The following CLTCL1 variants were observed in gnomAD, a reference collection of about 807,000 sequenced individuals.
The protein encoded by CLTCL1 is clathrin heavy chain like 1, also known as clathrin heavy chain 2.
Under a neutral mutation model 190.0 loss-of-function variants are expected in CLTCL1, and 159 were observed. The ratio of observed to expected loss-of-function variants is 0.84; its 90% CI spans 0.74 to 0.95. The LOEUF is 0.95. Among genes scored for constraint, CLTCL1 ranks in the 40% least tolerant of loss-of-function variants. The probability of loss-of-function intolerance (pLI) is 0.00; values close to 1 mark genes in which losing one functional copy is unlikely to be tolerated. For synonymous variants in CLTCL1, 752 were observed against 769.6 expected (o/e 0.98, Z 0.38); for missense variants, 1,878 against 2,033.4 (o/e 0.92, Z 1.47).
chr22:19,271,227 T>TA (rs1391544888), intron 2 of CLTCL1, among the ~76,000 whole-genome samples: 23 of 152,314 alleles, frequency 1.5e-4, no homozygotes, highest in Non-Finnish European at 1.2e-4. Context: ...GGTAATGTGA[T>TA]ATGGTTTGGT....
intron 2 of CLTCL1, chr22:19,257,633 A>G (rs2086803390): frequency 4.7e-6 from 2 of 427,962 alleles, no homozygotes; most frequent in South Asian, 3.8e-5. Flanking sequence ...GCATCTATGC[A>G]GATGTAAGGG....
chr22:19,258,718 T>G (rs2086847697), intron 2 of CLTCL1: 10 of 689,630 alleles, frequency 1.5e-5, no homozygotes, highest in Non-Finnish European at 2.4e-5. Flanking sequence ...AGCAACTCCA[T>G]GCAAACCATC....
At chr22:19,249,713 A>AC (rs1364754149) in intron 3 of CLTCL1, among the ~76,000 whole-genome samples, 3 of 152,088 alleles carry the variant, frequency 2.0e-5, no homozygotes, top group African/African-American at 7.2e-5. Context: ...AAGAAAAAAA[A>AC]AGAAATAACC....
In CLTCL1 at chr22:19,229,965, A is replaced by G. The variant is rs200812909; in HGVS notation, c.1655T>C (p.Ile552Thr). The G allele has an allele frequency of 3.0e-5, 49 of 1,607,886 alleles. No homozygotes were observed. The highest frequency in any genetic ancestry group is 1.6e-4 in the Middle Eastern group (1 of 6,068). The change falls in exon 11 of 33, where the codon ATT (isoleucine) becomes ACT (threonine). Residue 552 changes from isoleucine (I) to threonine (T), a missense_variant. Transcript: ENST00000427926. ...CTGAATTAAACTGTTTTCCATGAAA[A>G]TGTCCACAATCTGAAACATATCCAA... is the stretch of plus-strand genomic sequence containing the variant. Reference protein sequence around the residue: ...PLANISQIVDIFMENSLIQQC... With the variant: ...PLANISQIVDTFMENSLIQQC...
intron 19 of CLTCL1, among the ~76,000 whole-genome samples, 185 bp from the exon 20 acceptor site, chr22:19,210,694 T>C (rs1158734970): frequency 2.6e-5 from 4 of 152,156 alleles, no homozygotes; most frequent in African/African-American, 9.7e-5. Context: ...AGAAACAGTA[T>C]AGCAAAGTCT....
chr22:19,223,112 C>A (rs1344711416), intron 14 of CLTCL1, among the ~76,000 whole-genome samples: 1 of 152,150 alleles, frequency 6.6e-6, no homozygotes. Flanking sequence ...AGAAACCAGG[C>A]CATTCTCAAG....
At chr22:19,194,060 T>TCCATTCTACAGAGTGCTGATTGGC (rs2084612027) in intron 26 of CLTCL1, among the ~76,000 whole-genome samples, 1 of 152,136 alleles carries the variant, frequency 6.6e-6, no homozygotes, top group Non-Finnish European at 1.5e-5. Context: ...CGCTAATTGG[T>TCCATTCTACAGAGTGCTGATTGGC]CCATTCTACA....
At position 19,187,977 on chromosome 22, in the gene CLTCL1, C is replaced by A. The variant is rs782574548; in HGVS notation, c.4434+4G>T. The A allele has an allele frequency of 1.9e-6, 3 of 1,613,302 alleles. No individual in the cohort carries two copies. The highest frequency in any genetic ancestry group is 1.7e-5 in the Admixed American group (1 of 60,022). On this transcript the variant is annotated splice_donor_region_variant and intron_variant, in intron 28 of 32. Transcript: ENST00000427926. ...CAGGACAGGGCTCCTTCCTGCACAC[C>A]CACCTGATAGTCCTCCTCCTCTGTC...
At chr22:19,280,590 G>A (rs2087671089) in intron 1 of CLTCL1, among the ~76,000 whole-genome samples, 1 of 151,842 alleles carries the variant, frequency 6.6e-6, no homozygotes, top group African/African-American at 2.4e-5. Flanking sequence ...AGGCTGAGGC[G>A]GGTGGGTCGC....
chr22:19,234,936 G>C (rs1210633243), intron 6 of CLTCL1, among the ~76,000 whole-genome samples: 1 of 152,230 alleles, frequency 6.6e-6, no homozygotes, highest in Admixed American at 6.5e-5. Context: ...ACAGATAAGT[G>C]TGATGCGTTC....
chr22:19,263,684 G>C (rs1301459374), intron 2 of CLTCL1, among the ~76,000 whole-genome samples: 1 of 152,184 alleles, frequency 6.6e-6, no homozygotes, highest in East Asian at 1.9e-4. Context: ...CTCCCAAAGT[G>C]CTGGGATTAT....
intron 24 of CLTCL1, 77 bp from the exon 25 acceptor site, chr22:19,196,733 C>A: frequency 6.7e-7 from 1 of 1,490,364 alleles, no homozygotes; most frequent in South Asian, 1.3e-5. Context: ...ATGCCCACGC[C>A]GCAGGGACTG....
intron 3 of CLTCL1, among the ~76,000 whole-genome samples, chr22:19,253,276 T>C (rs144571437): frequency 2.2e-4 from 33 of 152,188 alleles, no homozygotes; most frequent in African/African-American, 7.9e-4. Context: ...GAAGGCCGCG[T>C]TGTGTGTGGG....
At position 19,291,668 on chromosome 22, in the gene CLTCL1, G is replaced by T. The variant is rs910248121; in HGVS notation, c.-27C>A. The T allele has an allele frequency of 7.4e-7, 1 of 1,360,540 alleles. No homozygotes were observed. Among genetic ancestry groups the T allele is most frequent in the South Asian group, 1.7e-5 (1 of 57,146 alleles). The allele number at this position is 1,360,540 out of a possible 1,614,324, so 84.3% of individuals were successfully genotyped here. A position where few individuals can be genotyped will look rare whatever the true frequency, so the allele number is the denominator to read the frequency against. On this transcript the variant is annotated 5_prime_UTR_variant, in exon 1 of 33. Coordinates refer to ENST00000427926, the MANE Select transcript of CLTCL1 (RefSeq NM_007098.4). ...GCTGGTGCGGGACCTCGGCGGCGGC[G>T]GCGGCAGCGGCAGGAATGAACGCCG...
intron 2 of CLTCL1, 140 bp from the exon 3 acceptor site, chr22:19,254,367 GC>G: frequency 1.4e-6 from 1 of 719,810 alleles, no homozygotes; most frequent in Non-Finnish European, 2.2e-6. Context: ...GAAAGATGCT[GC>G]CAGAGTAGTA....
intron 19 of CLTCL1, among the ~76,000 whole-genome samples, chr22:19,212,095 A>T (rs1312993420): frequency 2.0e-5 from 3 of 152,212 alleles, no homozygotes; most frequent in African/African-American, 7.2e-5. Flanking sequence ...ATGGAGAGAC[A>T]TATCACTTTC....
rs1295502629 is a variant in CLTCL1, at chr22:19,209,112, G to A, written c.3252C>T (p.Val1084=). The A allele has an allele frequency of 6.3e-7, 1 of 1,593,934 alleles. No homozygotes were observed. The highest frequency in any genetic ancestry group is 1.3e-5 in the African/African-American group (1 of 74,420). ...CCAGGTTTCCAATGTGCTCGATCAGGACCTAGGGGTTATGAGAGGACTTCC... is the reference window on the plus strand; with the variant it reads ...CCAGGTTTCCAATGTGCTCGATCAGAACCTAGGGGTTATGAGAGGACTTCC... ...KFDMNASAIQ[V]LIEHIGNLDR... Residue 1084 remains valine, a splice_region_variant and synonymous_variant, in exon 21 of 33, where the codon GTC becomes GTT. Coordinates refer to ENST00000427926, the MANE Select transcript of CLTCL1 (RefSeq NM_007098.4).
intron 19 of CLTCL1, among the ~76,000 whole-genome samples, chr22:19,211,552 A>T (rs1267622990): frequency 6.6e-6 from 1 of 152,004 alleles, no homozygotes; most frequent in Non-Finnish European, 1.5e-5. Context: ...GTGGATCACA[A>T]GGTCAGGATA....
rs782289882 is a variant in CLTCL1, at chr22:19,235,718, A to G, written c.947T>C (p.Ile316Thr). The G allele has an allele frequency of 1.9e-5, 31 of 1,612,846 alleles. 1 individual carries two copies. The South Asian group carries it at 3.2e-4, about 17-fold the overall frequency. The change falls in exon 6 of 33, where the codon ATT becomes ACT. Residue 316 changes from isoleucine to threonine, a missense_variant. Transcript: ENST00000427926. ...TAPHKPTSGI[I>T]GVNKKGQVLS... is the part of the protein sequence containing the mutation. ...CACCTGTCCCTTTTTGTTGACACCA[A>G]TAATTCCAGAGGTTGGTTTGTGTGG...
Sources: gnomAD v4.1 joint callset for allele counts (sites outside exome capture counted in the v4.1 genomes callset) on GRCh38, gnomAD v4.1.1 for gene constraint, MANE v1.5 for transcripts, NCBI Gene and HGNC (gene_info 2026-07-23, HGNC 2026-07-21) for gene names.